Variants in KATNAL2 observed in about 807,000 individuals in gnomAD.
KATNAL2 encodes katanin catalytic subunit A1 like 2.
In KATNAL2, 52 loss-of-function variants were observed where a neutral mutation model predicts 76.3. That is an observed-to-expected ratio of 0.68 (90% CI 0.55 to 0.86). The LOEUF (loss-of-function observed/expected upper bound fraction) is 0.86. Ranked by LOEUF, KATNAL2 falls within the 40% of genes least tolerant of loss-of-function variation. The pLI, the probability that KATNAL2 is intolerant of heterozygous loss-of-function variation, is 0.00. For synonymous variants in KATNAL2, 243 were observed against 244.2 expected, an observed-to-expected ratio of 1.00 and a Z score of 0.05; for missense variants, 660 against 668.9, an observed-to-expected ratio of 0.99 and a Z score of 0.15.
Position 47,067,253 on chromosome 18 carries a change from C to T in KATNAL2, c.825+134C>T, listed in dbSNP as rs558047662. 3.8e-4 allele frequency: 161 copies of T among 429,164 alleles called. 1 individual carries two copies. The South Asian group carries it at 9.6e-3, about 26-fold the overall frequency. 26.6% of individuals were successfully genotyped at this position (429,164 alleles called of 1,614,324 possible). A position where few individuals can be genotyped will look rare whatever the true frequency, so the allele number is the denominator to read the frequency against. On this transcript the variant is annotated intron_variant, in intron 11 of 17. Transcript: ENST00000683218. ...CGTTAACTCTTTGCTTGTGTCACAG[C>T]ACTTTCTCAACCCTGGAGCACCAAA...
At chr18:46,927,930 C>G (rs1342180059) in intron 1 of KATNAL2, among the ~76,000 whole-genome samples, 1 of 152,222 alleles carries the variant, frequency 6.6e-6, no homozygotes, top group Non-Finnish European at 1.5e-5. Context: ...TGGTTTTCAG[C>G]TCCATCAGGT....
intron 3 of KATNAL2, chr18:47,033,764 C>G (rs2095963684): frequency 6.2e-7 from 1 of 1,614,232 alleles, no homozygotes; most frequent in Admixed American, 1.7e-5. Context: ...GGGAAAGCAG[C>G]TTCCTCCCGG....
At chr18:46,932,392 G>A (rs1156286630) in intron 1 of KATNAL2, among the ~76,000 whole-genome samples, 1 of 151,946 alleles carries the variant, frequency 6.6e-6, no homozygotes, top group Admixed American at 6.6e-5. Flanking sequence ...AAAAATGAAA[G>A]GGCTGGGCAC....
intron 14 of KATNAL2, among the ~76,000 whole-genome samples, chr18:47,075,634 C>T (rs2062180824): frequency 6.6e-6 from 1 of 152,178 alleles, no homozygotes; most frequent in Non-Finnish European, 1.5e-5. Context: ...CCTGAAGATC[C>T]TCTAGCCCCA....
At chr18:46,935,502 T>C (rs1453424868) in intron 1 of KATNAL2, among the ~76,000 whole-genome samples, 1 of 152,194 alleles carries the variant, frequency 6.6e-6, no homozygotes, top group African/African-American at 2.4e-5. Flanking sequence ...TTGTCCAGGC[T>C]GGACTCGAAC....
chr18:47,063,380 T>A lies in KATNAL2; in HGVS notation c.726+19T>A. 2.5e-6 allele frequency: 4 copies of A among 1,606,080 alleles called. No individual in the cohort carries two copies. The highest frequency in any genetic ancestry group is 3.4e-6 in the Non-Finnish European group (4 of 1,174,112). Reference sequence around the variant, plus strand: ...GAGCCGGGTAAGATCTGATATTCAATTCACAAATTTATGGAGGCAGGCTGG... The same window carrying A: ...GAGCCGGGTAAGATCTGATATTCAAATCACAAATTTATGGAGGCAGGCTGG... On this transcript the variant is annotated intron_variant, in intron 10 of 17. Transcript: ENST00000683218.
Position 47,075,327 on chromosome 18 carries a change from C to T in KATNAL2, c.1059C>T (p.Asp353=), listed in dbSNP as rs754689642. The change falls in exon 14 of 18, where the codon GAC becomes GAT. Residue 353 remains aspartate, a synonymous_variant. Coordinates refer to ENST00000683218, the MANE Select transcript of KATNAL2 (RefSeq NM_001387690.1). ...ACGCCCCATCCACGATCTTCCTGGACGAGCTGGAGTCGGTGATGAGTCAGA... is the reference window on the plus strand; with the variant it reads ...ACGCCCCATCCACGATCTTCCTGGATGAGCTGGAGTCGGTGATGAGTCAGA... ...RYHAPSTIFL[D]ELESVMSQRG... The T allele has an allele frequency of 8.3e-6, 13 of 1,557,744 alleles. No homozygotes were observed. The highest frequency in any genetic ancestry group is 2.5e-5 in the South Asian group (2 of 81,410).
rs1205623098 is a variant in KATNAL2, at chr18:47,099,552, G to A, written c.1374+147G>A. The A allele has an allele frequency of 2.7e-5, 19 of 690,912 alleles. No individual in the cohort carries two copies. The East Asian group carries it at 4.5e-4, about 17-fold the overall frequency. The allele number at this position is 690,912 out of a possible 1,614,324, so 42.8% of individuals were successfully genotyped here. On this transcript the variant is annotated intron_variant, in intron 16 of 17. Coordinates refer to ENST00000683218, the MANE Select transcript of KATNAL2 (RefSeq NM_001387690.1). The stretch of plus-strand genomic sequence containing the variant: ...CCCGTAATGCAATGGGCATCTTCAC[G>A]AAGAATAAGCTCCTTTTCACTTAAA...
At chr18:47,090,396 C>A (rs779226019) in intron 15 of KATNAL2, among the ~76,000 whole-genome samples, 4 of 152,108 alleles carry the variant, frequency 2.6e-5, no homozygotes, top group African/African-American at 9.7e-5. Flanking sequence ...CAGGAGCCAC[C>A]GCGCCCAGCC....
intron 3 of KATNAL2, among the ~76,000 whole-genome samples, chr18:46,965,477 G>T (rs2060089278): frequency 8.5e-6 from 1 of 117,802 alleles, no homozygotes; most frequent in African/African-American, 3.1e-5. Context: ...GACCTTCTTC[G>T]CTCCAGCTTT....
intron 15 of KATNAL2, among the ~76,000 whole-genome samples, chr18:47,090,853 G>A (rs1568020725): frequency 6.6e-6 from 1 of 152,158 alleles, no homozygotes; most frequent in East Asian, 1.9e-4. Context: ...CTGATGCTGG[G>A]CTCACTGTGG....
At chr18:46,927,966 T>G (rs978518405) in intron 1 of KATNAL2, among the ~76,000 whole-genome samples, 1 of 152,216 alleles carries the variant, frequency 6.6e-6, no homozygotes, top group African/African-American at 2.4e-5. Flanking sequence ...CTGCATTGGT[T>G]ATTCTAGTTA....
intron 15 of KATNAL2, chr18:47,098,128 G>T (rs1471170961): frequency 1.1e-5 from 2 of 182,596 alleles, no homozygotes; most frequent in South Asian, 2.0e-4. Flanking sequence ...AATCAAGATG[G>T]TATGTATATA....
chr18:47,062,935 T>C (rs889178372), intron 8 of KATNAL2, 37 bp from the exon 9 acceptor site: 3 of 1,512,432 alleles, frequency 2.0e-6, no homozygotes, highest in African/African-American at 1.4e-5. Context: ...TCTTCTCTTA[T>C]GTTCTCATGG....
At chr18:46,933,962 A>G (rs1379063116) in intron 1 of KATNAL2, among the ~76,000 whole-genome samples, 3 of 149,316 alleles carry the variant, frequency 2.0e-5, no homozygotes, top group Non-Finnish European at 3.0e-5. Context: ...CCATGTCCCT[A>G]CAAAGGACAT....
At chr18:47,056,705 A>T (rs1339853293) in intron 6 of KATNAL2, among the ~76,000 whole-genome samples, 1 of 152,188 alleles carries the variant, frequency 6.6e-6, no homozygotes, top group African/African-American at 2.4e-5. Context: ...GTTAAAGCAG[A>T]TCTTGGGGAT....
intron 3 of KATNAL2, among the ~76,000 whole-genome samples, chr18:46,966,034 C>G (rs866889010): frequency 3.1e-3 from 464 of 147,702 alleles, no homozygotes; most frequent in African/African-American, 6.4e-3. Context: ...GTGTGTGTGT[C>G]TCTTCTGCAG....
At chr18:47,076,313 C>T (rs1465715245) in intron 14 of KATNAL2, 1 of 152,306 alleles carries the variant, frequency 6.6e-6, no homozygotes, top group South Asian at 2.1e-4. Flanking sequence ...TTGATTGAAA[C>T]AGGACATTTT....
In KATNAL2 at chr18:47,101,308, C is replaced by A. The variant is rs73954231; in HGVS notation, c.*303C>A. 4.8e-4 allele frequency: 127 copies of A among 267,202 alleles called. No homozygotes were observed. The highest frequency in any genetic ancestry group is 2.6e-3 in the African/African-American group (119 of 46,476). The allele number at this position is 267,202 out of a possible 1,614,324, so 16.6% of individuals were successfully genotyped here. ...TAATGAACAATTTTCTGTAATGTTA[C>A]TCATTTGTAAACTTTTTAAGAAAAA... On this transcript the variant is annotated 3_prime_UTR_variant, in exon 18 of 18. Coordinates refer to ENST00000683218, the MANE Select transcript of KATNAL2 (RefSeq NM_001387690.1).
Sources: allele counts gnomAD v4.1 joint callset (sites outside exome capture counted in the v4.1 genomes callset), GRCh38; gene constraint gnomAD v4.1.1; transcripts MANE v1.5; gene names NCBI Gene and HGNC (gene_info 2026-07-23, HGNC 2026-07-21).